Variants in SLC4A7 observed in about 807,000 individuals in gnomAD.
The protein encoded by SLC4A7 is sodium bicarbonate cotransporter 3.
SLC4A7 carries 51 observed loss-of-function variants against 137.6 expected under a neutral mutation model. The observed-to-expected ratio is 0.37, with a 90% CI of 0.30 to 0.47. SLC4A7 has a LOEUF of 0.47. Ranked by LOEUF, SLC4A7 falls within the 20% of genes least tolerant of loss-of-function variation. The pLI is 1.00. For synonymous variants in SLC4A7, 542 were observed against 518.6 expected (o/e 1.05, Z -0.61); for missense variants, 1,247 against 1,525.4 (o/e 0.82, Z 3.04).
Position 27,396,455 on chromosome 3 carries a change from T to C in SLC4A7, c.2703+1229A>G, listed in dbSNP as rs1348383939. 3.3e-5 allele frequency among the ~76,000 whole-genome samples: 5 copies of C among 152,134 alleles called. No homozygotes were observed. In the East Asian group the frequency reaches 7.7e-4, roughly 23 times the overall value. On this transcript the variant is annotated intron_variant, in intron 18 of 25. Coordinates refer to ENST00000454389, the MANE Select transcript of SLC4A7 (RefSeq NM_001321103.2). ...ACATCACGTTTTGAACCAATATTAA[T>C]TCATAGTTTCATTTATTTATATATT...
intron 11 of SLC4A7, among the ~76,000 whole-genome samples, chr3:27,416,383 C>G (rs1185757457): frequency 6.6e-6 from 1 of 152,104 alleles, no homozygotes; most frequent in Admixed American, 6.6e-5. Context: ...TTTCTCTCCA[C>G]TGAGAATGGT....
chr3:27,425,170 A>C (rs2055424400), intron 7 of SLC4A7, among the ~76,000 whole-genome samples: 1 of 152,082 alleles, frequency 6.6e-6, no homozygotes, highest in Admixed American at 6.5e-5. Flanking sequence ...CAGGAGTTCA[A>C]GACCAGTCTG....
At chr3:27,470,077 A>C (rs2059171947) in intron 1 of SLC4A7, among the ~76,000 whole-genome samples, 1 of 152,234 alleles carries the variant, frequency 6.6e-6, no homozygotes, top group African/African-American at 2.4e-5. Flanking sequence ...TCTTCTTATA[A>C]AATCTAGTAA....
intron 4 of SLC4A7, 105 bp downstream of exon 4, chr3:27,437,283 A>C: frequency 1.8e-6 from 1 of 560,230 alleles, no homozygotes; most frequent in Non-Finnish European, 2.8e-6. Flanking sequence ...CCTGGGAGGC[A>C]GAAGTTGCAG....
intron 1 of SLC4A7, among the ~76,000 whole-genome samples, chr3:27,472,023 C>A (rs2059267878): frequency 6.6e-6 from 1 of 152,170 alleles, no homozygotes; most frequent in African/African-American, 2.4e-5. Context: ...AGCAGAGAGG[C>A]AGCCATCCCC....
intron 17 of SLC4A7, 153 bp downstream of exon 17, chr3:27,398,039 T>C (rs1429365890): frequency 1.5e-6 from 1 of 649,276 alleles, no homozygotes. Flanking sequence ...CTCAGGCACG[T>C]AATATACATT....
chr3:27,446,881 TTTTGTTTTTTTTG>T (rs1559791577), intron 3 of SLC4A7, among the ~76,000 whole-genome samples: 5 of 92,994 alleles, frequency 5.4e-5, no homozygotes, highest in African/African-American at 7.9e-5. Flanking sequence ...TTTTGTTTTT[TTTTGTTTTTTTTG>T]TTTTTTTTAA....
At chr3:27,454,438 C>T (rs1163481499) in intron 1 of SLC4A7, among the ~76,000 whole-genome samples, 2 of 152,168 alleles carry the variant, frequency 1.3e-5, no homozygotes, top group African/African-American at 4.8e-5. Context: ...TTTACCCCAG[C>T]CTGGGAGACA....
At chr3:27,404,480 G>A (rs13078798) in intron 14 of SLC4A7, among the ~76,000 whole-genome samples, 32,180 of 152,208 alleles carry the variant, frequency 0.21, 3,496 homozygotes, top group Non-Finnish European at 0.25. Flanking sequence ...CAACCTCACC[G>A]ATGGAAACTG....
intron 11 of SLC4A7, among the ~76,000 whole-genome samples, chr3:27,415,459 TC>T (rs2054293161): frequency 6.6e-6 from 1 of 152,226 alleles, no homozygotes; most frequent in Non-Finnish European, 1.5e-5. Context: ...AGCTAACCCT[TC>T]CTGCATTAAA....
intron 20 of SLC4A7, 69 bp from the exon 21 acceptor site, chr3:27,391,877 T>G (rs1222607430): frequency 1.2e-6 from 1 of 851,324 alleles, no homozygotes; most frequent in East Asian, 2.6e-5. Context: ...CAGTGAGTAA[T>G]TATAGGGCTA....
intron 1 of SLC4A7, among the ~76,000 whole-genome samples, chr3:27,478,732 A>G (rs1163049968): frequency 6.6e-6 from 1 of 151,702 alleles, no homozygotes; most frequent in Admixed American, 6.6e-5. Context: ...TCCTGCTTGT[A>G]ATCCCAGCAC....
intron 1 of SLC4A7, among the ~76,000 whole-genome samples, chr3:27,476,926 G>T (rs1405884978): frequency 6.6e-6 from 1 of 152,060 alleles, no homozygotes; most frequent in Non-Finnish European, 1.5e-5. Flanking sequence ...AAAACCCTAG[G>T]CTAGACTTAA....
Position 27,443,029 on chromosome 3 carries a change from TTTC to T in SLC4A7, c.290-5506_290-5504del, listed in dbSNP as rs1559780464. ...CGCTGGGCATTCTCTTTTTTCTTTT[TTTC>T]TTTTTTTTTTTTTTTTTGAGATGGA... On this transcript the variant is annotated intron_variant, in intron 3 of 25. Transcript: ENST00000454389. 1.6e-5 allele frequency among the ~76,000 whole-genome samples: 2 copies of T among 128,028 alleles called. 1 individual carries two copies. Among genetic ancestry groups the T allele is most frequent in the Admixed American group, 1.7e-4 (2 of 12,086 alleles). The allele number at this position is 128,028 out of a possible 152,430, so 84.0% of individuals were successfully genotyped here.
At chr3:27,466,409 G>A (rs993772158) in intron 1 of SLC4A7, among the ~76,000 whole-genome samples, 36 of 146,674 alleles carry the variant, frequency 2.5e-4, no homozygotes, top group Non-Finnish European at 3.7e-4. Context: ...CCGAGATCGC[G>A]CCACTGCACT....
At chr3:27,469,102 G>A (rs1347358787) in intron 1 of SLC4A7, among the ~76,000 whole-genome samples, 8 of 149,316 alleles carry the variant, frequency 5.4e-5, no homozygotes, top group South Asian at 2.1e-4. Flanking sequence ...GGGAGACTGC[G>A]TCTCAATAAA....
chr3:27,433,648 G>GAA (rs547076553), intron 6 of SLC4A7, among the ~76,000 whole-genome samples: 2 of 146,644 alleles, frequency 1.4e-5, no homozygotes, highest in African/African-American at 5.0e-5. Flanking sequence ...ATGTTCAGGA[G>GAA]AAAAAAAAAA....
intron 1 of SLC4A7, among the ~76,000 whole-genome samples, chr3:27,479,559 G>GT (rs1371966130): frequency 6.6e-6 from 1 of 152,178 alleles, no homozygotes; most frequent in Non-Finnish European, 1.5e-5. Flanking sequence ...AAGGAAGATT[G>GT]TCAACAGCAA....
chr3:27,483,115 A>T (rs531622098), intron 1 of SLC4A7, among the ~76,000 whole-genome samples: 92 of 152,368 alleles, frequency 6.0e-4, no homozygotes, highest in African/African-American at 2.0e-3. Context: ...AGTAAAAATT[A>T]GAAGTAGGAA....
Sources: gnomAD v4.1 joint callset for allele counts (sites outside exome capture counted in the v4.1 genomes callset) on GRCh38, gnomAD v4.1.1 for gene constraint, MANE v1.5 for transcripts, NCBI Gene and HGNC (gene_info 2026-07-23, HGNC 2026-07-21) for gene names.